Variants in PIK3CB observed in about 807,000 individuals in gnomAD.
PIK3CB encodes the protein phosphatidylinositol 4,5-bisphosphate 3-kinase catalytic subunit beta isoform.
Under a neutral mutation model 136.8 loss-of-function variants are expected in PIK3CB, and 39 were observed. The ratio of observed to expected loss-of-function variants is 0.29; its 90% CI spans 0.22 to 0.37. The LOEUF is 0.37. Ranked by LOEUF, PIK3CB falls within the 10% of genes least tolerant of loss-of-function variation. PIK3CB has a pLI of 1.00. For synonymous variants in PIK3CB, 428 were observed against 436.6 expected (o/e 0.98, Z 0.25); for missense variants, 868 against 1,275.4 (o/e 0.68, Z 4.87).
At chr3:138,778,018 C>T in intron 2 of PIK3CB, 1 of 388,350 alleles carries the variant, frequency 2.6e-6, no homozygotes, top group Non-Finnish European at 5.1e-6. Flanking sequence ...CTGAGAATGG[C>T]AAGCTTGTCA....
intron 11 of PIK3CB, among the ~76,000 whole-genome samples, chr3:138,705,165 A>C (rs1293565536): frequency 7.2e-5 from 7 of 97,772 alleles, no homozygotes; most frequent in African/African-American, 2.0e-4. Context: ...CAAAAAAAAA[A>C]AAAAAAAACA....
Position 138,653,124 on chromosome 3 carries a change from A to G in PIK3CB, c.*2265T>C. ...AAATAAATGGGTACTCCACTTACAT[A>G]TTTTGGAAAACTCAATATTCTGGAG... On this transcript the variant is annotated 3_prime_UTR_variant, in exon 24 of 24. Coordinates refer to ENST00000674063, the MANE Select transcript of PIK3CB (RefSeq NM_006219.3). 1 of 183,690 alleles carries G rather than the reference A, an allele frequency of 5.4e-6. No individual in the cohort carries two copies. Among genetic ancestry groups the G allele is most frequent in the South Asian group, 2.0e-4 (1 of 5,092 alleles). 11.4% of individuals were successfully genotyped at this position (183,690 alleles called of 1,614,324 possible).
At chr3:138,761,531 G>C (rs1376378421) in intron 2 of PIK3CB, among the ~76,000 whole-genome samples, 1 of 152,316 alleles carries the variant, frequency 6.6e-6, no homozygotes. Flanking sequence ...CAGCACTTTG[G>C]GAGGCCAAGG....
rs535381533 is a variant in PIK3CB at position 138,775,649 on chromosome 3, C to CCCTCACTG, written c.-16-16298_-16-16291dup. Among the ~76,000 whole-genome samples, 25 of 152,168 alleles carry CCCTCACTG rather than the reference C, an allele frequency of 1.6e-4. No individual in the cohort carries two copies. In the South Asian group the frequency reaches 4.8e-3, roughly 29 times the overall value. Reference sequence around the variant, plus strand: ...ACCACAATGTTGCTGTCATGAAACCCCCTCACTGCCTCACTGCCCCAGCCT... The same window carrying CCCTCACTG: ...ACCACAATGTTGCTGTCATGAAACCCCCTCACTGCCTCACTGCCTCACTGCCCCAGCCT... On this transcript the variant is annotated intron_variant, in intron 2 of 23. Transcript: ENST00000674063.
At chr3:138,794,604 A>G (rs1285313917) in intron 2 of PIK3CB, among the ~76,000 whole-genome samples, 1 of 152,192 alleles carries the variant, frequency 6.6e-6, no homozygotes, top group South Asian at 2.1e-4. Context: ...AGGCCATTAT[A>G]TACTGAATAC....
chr3:138,753,085 C>T (rs978832161), intron 4 of PIK3CB, among the ~76,000 whole-genome samples: 2 of 152,118 alleles, frequency 1.3e-5, no homozygotes, highest in Non-Finnish European at 2.9e-5. Flanking sequence ...ATTAGCCAGA[C>T]TTGGTGGCTT....
chr3:138,757,485 ACAC>A (rs2045591673), intron 3 of PIK3CB, among the ~76,000 whole-genome samples: 1 of 137,028 alleles, frequency 7.3e-6, no homozygotes, highest in East Asian at 2.1e-4. Flanking sequence ...TTAAACACAC[ACAC>A]ACACACACAC....
At chr3:138,789,839 G>A (rs1016089233) in intron 2 of PIK3CB, among the ~76,000 whole-genome samples, 1 of 151,916 alleles carries the variant, frequency 6.6e-6, no homozygotes, top group Non-Finnish European at 1.5e-5. Flanking sequence ...TGCAGATGCG[G>A]GCCACCACAC....
chr3:138,772,783 CTTTTTTTTTT>C (rs776881626), intron 2 of PIK3CB, among the ~76,000 whole-genome samples: 6 of 112,216 alleles, frequency 5.3e-5, no homozygotes, highest in African/African-American at 1.8e-4. Flanking sequence ...TATTTATTCT[CTTTTTTTTTT>C]TTTTTTTTTT....
intron 14 of PIK3CB, among the ~76,000 whole-genome samples, chr3:138,693,936 A>AATATATATATATATATATATATATAT (rs1179221176): frequency 1.5e-5 from 1 of 64,604 alleles, no homozygotes; most frequent in Non-Finnish European, 3.1e-5. Context: ...ATTTGCTTAA[A>AATATATATATATATATATATATATAT]ATATATATAT....
chr3:138,657,207 C>G (rs1316226090), intron 22 of PIK3CB: 1 of 154,836 alleles, frequency 6.5e-6, no homozygotes, highest in African/African-American at 2.4e-5. Context: ...TGATATGTCT[C>G]TAACCATCAT....
chr3:138,661,409 A>C (rs1360359049), intron 21 of PIK3CB, among the ~76,000 whole-genome samples: 6 of 152,104 alleles, frequency 3.9e-5, no homozygotes, highest in Non-Finnish European at 1.5e-5. Flanking sequence ...CTATTTTCTC[A>C]GTTCTGCTAA....
At chr3:138,673,125 T>TAA (rs1050080673) in intron 19 of PIK3CB, among the ~76,000 whole-genome samples, 2 of 151,968 alleles carry the variant, frequency 1.3e-5, no homozygotes, top group Non-Finnish European at 2.9e-5. Flanking sequence ...AAAACTGTTA[T>TAA]AATGATAAGA....
At chr3:138,670,252 G>A (rs1344037253) in intron 19 of PIK3CB, among the ~76,000 whole-genome samples, 4 of 152,188 alleles carry the variant, frequency 2.6e-5, no homozygotes, top group African/African-American at 9.7e-5. Flanking sequence ...ATGGAACTAA[G>A]AATGCCAGGA....
chr3:138,739,906 TAA>T (rs78049498), intron 5 of PIK3CB, among the ~76,000 whole-genome samples: 1 of 99,852 alleles, frequency 1.0e-5, no homozygotes, highest in African/African-American at 3.4e-5. Flanking sequence ...TCTCAAAAAA[TAA>T]AAAAAAAAAA....
intron 1 of PIK3CB, among the ~76,000 whole-genome samples, chr3:138,810,212 G>A (rs1932951151): frequency 2.0e-5 from 3 of 152,108 alleles, no homozygotes; most frequent in African/African-American, 7.2e-5. Flanking sequence ...ACAAATAAAT[G>A]GGAGGGCAGA....
intron 2 of PIK3CB, among the ~76,000 whole-genome samples, chr3:138,784,796 C>G (rs1037198670): frequency 1.4e-4 from 21 of 152,362 alleles, no homozygotes; most frequent in Non-Finnish European, 2.4e-4. Flanking sequence ...CACCTCCCAG[C>G]CGCCTGCCTT....
intron 12 of PIK3CB, among the ~76,000 whole-genome samples, chr3:138,700,920 T>G (rs1156876443): frequency 6.6e-6 from 1 of 152,156 alleles, no homozygotes; most frequent in South Asian, 2.1e-4. Flanking sequence ...AATGTTTACT[T>G]AGTGTCAAAA....
chr3:138,777,569 C>A (rs1340571000), intron 2 of PIK3CB, among the ~76,000 whole-genome samples: 3 of 152,160 alleles, frequency 2.0e-5, no homozygotes, highest in Non-Finnish European at 2.9e-5. Flanking sequence ...GGGCCAAAGA[C>A]AACCTGACTC....
Sources: allele counts gnomAD v4.1 joint callset (sites outside exome capture counted in the v4.1 genomes callset), GRCh38; gene constraint gnomAD v4.1.1; transcripts MANE v1.5; gene names NCBI Gene and HGNC (gene_info 2026-07-23, HGNC 2026-07-21).